The following SLC35F5 variants were observed in gnomAD, a reference collection of about 807,000 sequenced individuals.
The protein encoded by SLC35F5 is solute carrier family 35 member F5, also known as HCV NS5A-transactivated protein 3.
In SLC35F5, 54 loss-of-function variants were observed where a neutral mutation model predicts 68.6. That is an observed-to-expected ratio of 0.79 (90% confidence interval 0.63 to 0.99). SLC35F5 has a LOEUF of 0.99. Among genes scored for constraint, SLC35F5 ranks in the 50% least tolerant of loss-of-function variants. The pLI, the probability that SLC35F5 is intolerant of heterozygous loss-of-function variation, is 0.00. For synonymous variants in SLC35F5, 211 were observed against 205.2 expected, an observed-to-expected ratio of 1.03 and a Z score of -0.24; for missense variants, 567 against 626.9, an observed-to-expected ratio of 0.90 and a Z score of 1.02.
At chr2:113,743,679 G>A (rs1676373152) in intron 6 of SLC35F5, 34 bp downstream of exon 6, 1 of 1,563,444 alleles carries the variant, frequency 6.4e-7, no homozygotes, top group African/African-American at 1.4e-5. Context: ...TTGAATAAAG[G>A]TAAACTTTCT....
intron 3 of SLC35F5, among the ~76,000 whole-genome samples, chr2:113,751,785 A>G (rs1235516766): frequency 1.3e-5 from 2 of 151,364 alleles, no homozygotes; most frequent in African/African-American, 4.9e-5. Flanking sequence ...ACCATTCCAT[A>G]CTGGACAACA....
downstream of SLC35F5, among the ~76,000 whole-genome samples, chr2:113,703,514 T>C (rs1686735555): frequency 1.3e-5 from 2 of 152,108 alleles, no homozygotes; most frequent in Non-Finnish European, 2.9e-5. Context: ...GAGTCCTTAT[T>C]CTCAGTGACT....
intron 4 of SLC35F5, among the ~76,000 whole-genome samples, chr2:113,746,562 C>T (rs1676493159): frequency 6.6e-6 from 1 of 152,052 alleles, no homozygotes; most frequent in Admixed American, 6.6e-5. Context: ...ATTTTTAATC[C>T]TGACAGTCAG....
rs1196704465 is a variant in SLC35F5 at position 113,739,316 on chromosome 2, A to G, written c.750+3376T>C. ...AAACAATGTAAATAGTTGTTGTGCTATTGTTTTTCAATCTCTATTATTTTT... is the reference window on the plus strand; with the variant it reads ...AAACAATGTAAATAGTTGTTGTGCTGTTGTTTTTCAATCTCTATTATTTTT... On this transcript the variant is annotated intron_variant, in intron 7 of 15. Transcript: ENST00000245680. Among the ~76,000 whole-genome samples, 5 of 151,264 alleles carry G rather than the reference A, an allele frequency of 3.3e-5. No individual in the cohort carries two copies. In the East Asian group the frequency reaches 9.6e-4, roughly 29 times the overall value.
chr2:113,704,298 C>A (rs1432844227), downstream of SLC35F5, among the ~76,000 whole-genome samples: 1 of 152,222 alleles, frequency 6.6e-6, no homozygotes, highest in African/African-American at 2.4e-5. Context: ...CGTTTACAAT[C>A]CCTGAGCTAG....
chr2:113,735,705 C>T (rs1343182434), intron 8 of SLC35F5, 72 bp downstream of exon 8: 2 of 945,160 alleles, frequency 2.1e-6, no homozygotes, highest in East Asian at 5.0e-5. Flanking sequence ...AAATGTTGTA[C>T]ATGTACACAC....
At position 113,721,346 on chromosome 2, in the gene SLC35F5, C is replaced by T. The variant is rs113469098; in HGVS notation, c.1341+1758G>A. ...GAACACCAAATCTTTTCTTGATTGT[C>T]TTCATATCCAGAACTGGGCAATCAG... On this transcript the variant is annotated intron_variant, in intron 13 of 15. Coordinates refer to ENST00000245680, the MANE Select transcript of SLC35F5 (RefSeq NM_025181.5). 1,492 of 152,920 alleles carry T rather than the reference C, an allele frequency of 9.8e-3. 16 individuals carry two copies. Among genetic ancestry groups the T allele is most frequent in the Middle Eastern group, 0.02 (28 of 1,424 alleles). The allele number at this position is 152,920 out of a possible 1,614,324, so 9.5% of individuals were successfully genotyped here. A position where few individuals can be genotyped will look rare whatever the true frequency, so the allele number is the denominator to read the frequency against.
downstream of SLC35F5, among the ~76,000 whole-genome samples, chr2:113,704,472 G>GGGCGCTCTGGCCACACAGGA (rs1686759915): frequency 6.6e-6 from 1 of 152,210 alleles, no homozygotes; most frequent in African/African-American, 2.4e-5. Context: ...GCGGAGCAGG[G>GGGCGCTCTGGCCACACAGGA]GGCGCTCTGG....
At chr2:113,735,893 A>C (rs1295525982) in intron 7 of SLC35F5, 35 bp from the exon 8 acceptor site, 1 of 1,339,264 alleles carries the variant, frequency 7.5e-7, no homozygotes, top group South Asian at 1.2e-5. Flanking sequence ...AACCCTAATG[A>C]AAGACATGTT....
chr2:113,742,455 T>C (rs931112533), intron 7 of SLC35F5: 1 of 536,374 alleles, frequency 1.9e-6, no homozygotes, highest in Non-Finnish European at 3.3e-6. Context: ...TGTAAGTTTG[T>C]GTATATATGT....
At chr2:113,706,589 C>T (rs543466258), downstream of SLC35F5, among the ~76,000 whole-genome samples, 17 of 152,256 alleles carry the variant, frequency 1.1e-4, no homozygotes, top group African/African-American at 3.9e-4. Flanking sequence ...GGCTTTAGAC[C>T]TTAACATGCA....
Position 113,713,228 on chromosome 2 carries a change from T to A in SLC35F5, c.*1990A>T, listed in dbSNP as rs1687055079. On this transcript the variant is annotated 3_prime_UTR_variant, in exon 16 of 16. Coordinates refer to ENST00000245680, the MANE Select transcript of SLC35F5 (RefSeq NM_025181.5). ...AGAAGTTGTTCATTGATTTTTGTTT[T>A]TTAAGAAACAGAAAAGCAGCAGTAT... The A allele has an allele frequency of 6.6e-6, 1 of 152,224 alleles. No homozygotes were observed. The highest frequency in any genetic ancestry group is 6.5e-5 in the Admixed American group (1 of 15,284). 9.4% of individuals were successfully genotyped at this position (152,224 alleles called of 1,614,324 possible).
At chr2:113,704,742 G>GCCCGCAAGCACCGCGCGCAGC (rs1301432039), downstream of SLC35F5, among the ~76,000 whole-genome samples, 2 of 152,080 alleles carry the variant, frequency 1.3e-5, no homozygotes, top group Non-Finnish European at 2.9e-5. Context: ...ACTCGCGCTG[G>GCCCGCAAGCACCGCGCGCAGC]CCCGCAAGCA....
At chr2:113,729,352 GTGTTAAT>G in intron 11 of SLC35F5, 42 bp downstream of exon 11, 1 of 965,522 alleles carries the variant, frequency 1.0e-6, no homozygotes, top group South Asian at 1.5e-5. Context: ...GCAAAACCCT[GTGTTAAT>G]CATTTAGAGT....
Position 113,721,971 on chromosome 2 carries a change from C to CTTTTTTTTTT in SLC35F5, c.1341+1123_1341+1132dup, listed in dbSNP as rs71297192. ...AGCACTAAGCATATTTTGCTTTTAT[C>CTTTTTTTTTT]TTTTTTTTTTTTTTTTTTTTTGAGA... is the stretch of plus-strand genomic sequence containing the variant. On this transcript the variant is annotated intron_variant, in intron 13 of 15. Coordinates refer to ENST00000245680, the MANE Select transcript of SLC35F5 (RefSeq NM_025181.5). Among the ~76,000 whole-genome samples the CTTTTTTTTTT allele has an allele frequency of 2.5e-4, 27 of 107,658 alleles. 1 individual carries two copies. The highest frequency in any genetic ancestry group is 2.8e-4 in the Non-Finnish European group (15 of 53,994). 70.6% of individuals were successfully genotyped at this position (107,658 alleles called of 152,430 possible). A position where few individuals can be genotyped will look rare whatever the true frequency, so the allele number is the denominator to read the frequency against.
chr2:113,726,222 A>T (rs903230988), intron 11 of SLC35F5, among the ~76,000 whole-genome samples: 2 of 152,224 alleles, frequency 1.3e-5, no homozygotes, highest in African/African-American at 2.4e-5. Context: ...ATCTATAAGC[A>T]TAAAATAACA....
chr2:113,735,891 T>C (rs1460491929), intron 7 of SLC35F5, 33 bp from the exon 8 acceptor site: 8 of 1,341,702 alleles, frequency 6.0e-6, no homozygotes, highest in Non-Finnish European at 8.5e-6. Flanking sequence ...TGAACCCTAA[T>C]GAAAGACATG....
intron 6 of SLC35F5, 150 bp from the exon 7 acceptor site, chr2:113,743,029 A>G: frequency 1.4e-6 from 1 of 699,114 alleles, no homozygotes; most frequent in South Asian, 2.1e-5. Context: ...ATTACCTGAG[A>G]CAACTTTGTT....
In SLC35F5 at chr2:113,746,331, A is replaced by C. The variant is rs765524202; in HGVS notation, c.426T>G (p.Asp142Glu). Residue 142 changes from aspartate to glutamate, a missense_variant, in exon 5 of 16, where the codon GAT becomes GAG. Physicochemically the swap from Asp to Glu is conservative, Grantham distance 45. Coordinates refer to ENST00000245680, the MANE Select transcript of SLC35F5 (RefSeq NM_025181.5). ...LRGKHAAFFA[D>E]AEGYFAACTT... ...TGCAAGCAGCAAAGTAACCTTCAGC[A>C]TCTGCAAACTAAATACAGATAACAA... The C allele has an allele frequency of 1.4e-5, 23 of 1,612,224 alleles. No individual in the cohort carries two copies. The East Asian group carries it at 4.7e-4, about 33-fold the overall frequency.
Sources: gnomAD v4.1 joint callset for allele counts (sites outside exome capture counted in the v4.1 genomes callset) on GRCh38, gnomAD v4.1.1 for gene constraint, MANE v1.5 for transcripts, NCBI Gene and HGNC (gene_info 2026-07-23, HGNC 2026-07-21) for gene names.